Variants in MED12L observed in about 807,000 individuals in gnomAD.
The protein encoded by MED12L is mediator complex subunit 12L.
A neutral mutation model predicts 281.3 loss-of-function variants in MED12L; 60 were observed. The observed-to-expected ratio is 0.21, with a 90% CI of 0.17 to 0.26. The LOEUF (loss-of-function observed/expected upper bound fraction) is 0.26, where lower values mean the gene tolerates loss of function less well. Among genes scored for constraint, MED12L ranks in the 10% least tolerant of loss-of-function variants. The pLI is 1.00. For synonymous variants in MED12L, 974 were observed against 987.2 expected, an observed-to-expected ratio of 0.99 and a Z score of 0.25; for missense variants, 2,146 against 2,680.9, an observed-to-expected ratio of 0.80 and a Z score of 4.41.
At chr3:151,413,316 G>A in intron 42 of MED12L, 21 bp downstream of exon 42, 2 of 1,611,328 alleles carry the variant, frequency 1.2e-6, no homozygotes, top group Non-Finnish European at 1.7e-6. Flanking sequence ...GGGAGATGAG[G>A]GCAATGCCAT....
chr3:151,162,367 G>A (rs568420511), intron 8 of MED12L, among the ~76,000 whole-genome samples: 3 of 152,266 alleles, frequency 2.0e-5, no homozygotes, highest in African/African-American at 7.2e-5. Context: ...CCACAAAGAT[G>A]TCTCCTAGAC....
chr3:151,142,749 T>C lies in MED12L; in HGVS notation c.557-13412T>C, dbSNP rs529828263. On this transcript the variant is annotated intron_variant, in intron 5 of 44. Coordinates refer to ENST00000687756, the MANE Select transcript of MED12L (RefSeq NM_001393769.1). ...TCTAAGCTAACCTTTTAATGACTTA[T>C]TTATAAAAGCTAGGTTCTTTATTTT... is the stretch of plus-strand genomic sequence containing the variant. Among the ~76,000 whole-genome samples the C allele has an allele frequency of 7.2e-5, 11 of 152,318 alleles. No homozygotes were observed. In the East Asian group the frequency reaches 1.3e-3, roughly 19 times the overall value.
chr3:151,178,694 G>A (rs1331707727), intron 11 of MED12L, among the ~76,000 whole-genome samples: 1 of 152,012 alleles, frequency 6.6e-6, no homozygotes, highest in African/African-American at 2.4e-5. Flanking sequence ...TTGTAAACTG[G>A]GGATAATATA....
intron 2 of MED12L, among the ~76,000 whole-genome samples, chr3:151,105,055 C>T (rs528365811): frequency 2.0e-5 from 3 of 152,252 alleles, no homozygotes; most frequent in South Asian, 4.1e-4. Context: ...TTTGAGGGAC[C>T]GAATTCTACC....
chr3:151,296,767 G>T (rs1169075463), intron 16 of MED12L, among the ~76,000 whole-genome samples: 2 of 151,998 alleles, frequency 1.3e-5, no homozygotes, highest in Non-Finnish European at 2.9e-5. Flanking sequence ...TGGAGGTAAG[G>T]TTAGAAGGAA....
In MED12L at chr3:151,245,171, G is replaced by C. The variant is rs559431080; in HGVS notation, c.2250+51505G>C. On this transcript the variant is annotated intron_variant, in intron 16 of 44. Coordinates refer to ENST00000687756, the MANE Select transcript of MED12L (RefSeq NM_001393769.1). ...GAGTCCAGGACCAGATGGATTCACA[G>C]CTGAATTCTACCAGAGGTATAAGGA... Among the ~76,000 whole-genome samples, 6 of 152,302 alleles carry C rather than the reference G, an allele frequency of 3.9e-5. No individual in the cohort carries two copies. The South Asian group carries it at 1.2e-3, about 32-fold the overall frequency.
At chr3:151,319,450 GGTGTGTGTGTGTGTGTGCGT>G (rs1213479637) in intron 16 of MED12L, among the ~76,000 whole-genome samples, 1 of 126,930 alleles carries the variant, frequency 7.9e-6, no homozygotes, top group African/African-American at 3.0e-5. Context: ...AGAACATCCA[GGTGTGTGTGTGTGTGTGCGT>G]GTGTGTGTGT....
In MED12L at chr3:151,398,667, C is replaced by G. The variant is rs116079581; in HGVS notation, c.5820+3800C>G. On this transcript the variant is annotated intron_variant, in intron 39 of 44. Coordinates refer to ENST00000687756, the MANE Select transcript of MED12L (RefSeq NM_001393769.1). The stretch of plus-strand genomic sequence containing the variant: ...ATGGACATGCAGAAAGATGTTTTGG[C>G]AAGAAACCTGTTTTCATTCTTCTTG... Among the ~76,000 whole-genome samples the G allele has an allele frequency of 3.8e-3, 578 of 152,252 alleles. 1 individual carries two copies. Among genetic ancestry groups the G allele is most frequent in the African/African-American group, 0.013 (560 of 41,552 alleles).
chr3:151,404,879 A>G (rs1716106380), intron 39 of MED12L, among the ~76,000 whole-genome samples: 1 of 152,050 alleles, frequency 6.6e-6, no homozygotes, highest in African/African-American at 2.4e-5. Flanking sequence ...AACCAGTCCT[A>G]CATGAAAAGG....
intron 11 of MED12L, among the ~76,000 whole-genome samples, chr3:151,172,213 A>G (rs558494642): frequency 6.6e-6 from 1 of 152,334 alleles, no homozygotes; most frequent in South Asian, 2.1e-4. Context: ...ACATTGGACA[A>G]TTCACGTATT....
rs894365957 is a variant in MED12L, at chr3:151,142,081, A to C, written c.557-14080A>C. Among the ~76,000 whole-genome samples the C allele has an allele frequency of 2.0e-5, 3 of 152,216 alleles. No individual in the cohort carries two copies. In the South Asian group the frequency reaches 6.2e-4, roughly 32 times the overall value. ...AGCTTGTTCAAAGTCTTGGCAGTTT[A>C]CAGGCTGGTTTCGTAGCTTCTCATT... On this transcript the variant is annotated intron_variant, in intron 5 of 44. Coordinates refer to ENST00000687756, the MANE Select transcript of MED12L (RefSeq NM_001393769.1).
chr3:151,376,996 T>C lies in MED12L; in HGVS notation c.4134T>C (p.Ser1378=), dbSNP rs754134589. The C allele has an allele frequency of 6.2e-7, 1 of 1,613,818 alleles. No homozygotes were observed. Among genetic ancestry groups the C allele is most frequent in the East Asian group, 2.2e-5 (1 of 44,856 alleles). The stretch of plus-strand genomic sequence containing the variant: ...ATTCTTATATCTAACTCTAGGGCTC[T>C]GGTTCTGTGGCCGAAATGAACAACT... ...MIKQCLKDPG[S]GSVAEMNNLL... The change falls in exon 30 of 45, where the codon TCT becomes TCC. Residue 1378 remains serine, a synonymous_variant. Coordinates refer to ENST00000687756, the MANE Select transcript of MED12L (RefSeq NM_001393769.1).
chr3:151,128,476 C>G (rs377301071), intron 5 of MED12L, among the ~76,000 whole-genome samples: 1 of 152,026 alleles, frequency 6.6e-6, no homozygotes, highest in Non-Finnish European at 1.5e-5. Context: ...CTGATCTGCC[C>G]CCACCCCCGG....
intron 11 of MED12L, among the ~76,000 whole-genome samples, chr3:151,167,827 T>G (rs1049730927): frequency 3.9e-5 from 6 of 152,216 alleles, no homozygotes; most frequent in African/African-American, 1.2e-4. Context: ...TCATGAATAC[T>G]AAGATTTTTA....
chr3:151,430,496 A>T, intron 44 of MED12L, 116 bp downstream of exon 44: 1 of 1,451,446 alleles, frequency 6.9e-7, no homozygotes, highest in Non-Finnish European at 9.2e-7. Context: ...TACAATGTTC[A>T]TGTTATTTGG....
chr3:151,363,856 A>G (rs1754938382), intron 21 of MED12L, among the ~76,000 whole-genome samples: 1 of 152,160 alleles, frequency 6.6e-6, no homozygotes, highest in Non-Finnish European at 1.5e-5. Flanking sequence ...CTGAAACTAC[A>G]TTTTGGTAAA....
rs201873673 is a variant in MED12L, at chr3:151,433,179, T to TG, written c.*375_*376insG. The TG allele has an allele frequency of 0.13, 20,419 of 160,408 alleles. 1,708 individuals are homozygous for TG. The highest frequency in any genetic ancestry group is 0.39 in the East Asian group (2,126 of 5,484). The allele number at this position is 160,408 out of a possible 1,614,324, so 9.9% of individuals were successfully genotyped here. On this transcript the variant is annotated 3_prime_UTR_variant, in exon 45 of 45. Transcript: ENST00000687756. ...TTTCATTCATTAATGATGACGTTGT[T>TG]TTTTTTTTTTTAATTTTATTTTCCA...
chr3:151,118,641 TC>T (rs1713240753), intron 3 of MED12L, among the ~76,000 whole-genome samples: 1 of 144,572 alleles, frequency 6.9e-6, no homozygotes, highest in Non-Finnish European at 1.5e-5. Context: ...ACTATCCATC[TC>T]CAGAACTTTT....
chr3:151,216,844 G>T (rs1728331858), intron 16 of MED12L, among the ~76,000 whole-genome samples: 1 of 152,136 alleles, frequency 6.6e-6, no homozygotes, highest in Admixed American at 6.5e-5. Flanking sequence ...TCTGTGGCTG[G>T]TAACTAATTT....
Sources: allele counts gnomAD v4.1 joint callset (sites outside exome capture counted in the v4.1 genomes callset), GRCh38; gene constraint gnomAD v4.1.1; transcripts MANE v1.5; gene names NCBI Gene and HGNC (gene_info 2026-07-23, HGNC 2026-07-21).